The following DDX27 variants were observed in gnomAD, a reference collection of about 807,000 sequenced individuals.
DDX27 encodes probable ATP-dependent RNA helicase DDX27.
In DDX27, 42 loss-of-function variants were observed where a neutral mutation model predicts 99.3. The ratio of observed to expected loss-of-function variants is 0.42; its 90% CI spans 0.33 to 0.55. The LOEUF is 0.55. DDX27 is among the 20% of genes least tolerant of loss of function. DDX27 has a pLI of 0.07. For missense variants in DDX27, 798 were observed against 976.8 expected (o/e 0.82, Z 2.44); for synonymous variants, 329 against 353.8 (o/e 0.93, Z 0.79).
Position 49,228,854 on chromosome 20 carries a change from C to A in DDX27, c.846C>A (p.Ala282=). Reference sequence around the variant, plus strand: ...TGCACTCTGTCACCAGACAGCTGGCCCAGTTCTGCAACATCACCACCTGCC... The same window carrying A: ...TGCACTCTGTCACCAGACAGCTGGCACAGTTCTGCAACATCACCACCTGCC... ...IQVHSVTRQL[A]QFCNITTCLA... Residue 282 remains alanine (A), a synonymous_variant, in exon 8 of 21, where the codon GCC becomes GCA. Coordinates refer to ENST00000618172, the MANE Select transcript of DDX27 (RefSeq NM_017895.8). 6.2e-7 allele frequency: 1 copy of A among 1,607,302 alleles called. No individual in the cohort carries two copies. Among genetic ancestry groups the A allele is most frequent in the Middle Eastern group, 1.7e-4 (1 of 5,780 alleles).
Position 49,221,557 on chromosome 20 carries a change from A to G in DDX27, c.199A>G (p.Ser67Gly). 6.2e-7 allele frequency: 1 copy of G among 1,612,678 alleles called. No homozygotes were observed. The highest frequency in any genetic ancestry group is 8.5e-7 in the Non-Finnish European group (1 of 1,179,296). Reference protein sequence around the residue: ...FTEKEGTYDGSWALADVMSQL... With the variant: ...FTEKEGTYDGGWALADVMSQL... ...TGAGAAGGAGGGGACGTACGATGGC[A>G]GCTGGGCCCTGGCTGATGTCATGAG... The change falls in exon 2 of 21, where the codon AGC (serine) becomes GGC (glycine). Residue 67 changes from serine (S) to glycine (G), a missense_variant. Transcript: ENST00000618172.
In DDX27 at chr20:49,235,065, G is replaced by C; in HGVS notation, c.1404G>C (p.Gln468His). ...GTGAGCTCCATGGCAACTTGTCACA[G>C]ACGCAGCGGCTGGAGGCCCTCCGGT... Reference protein sequence around the residue: ...QVGELHGNLSQTQRLEALRRF... With the variant: ...QVGELHGNLSHTQRLEALRRF... Residue 468 changes from glutamine (Q) to histidine (H), a missense_variant, in exon 12 of 21, where the codon CAG becomes CAC. By Grantham distance (24) the Gln-to-His change is conservative. This residue lies in a region of DDX27 where 553 missense variants were observed against 727.9 expected (regional missense o/e 0.76). Transcript: ENST00000618172. 6.2e-7 allele frequency: 1 copy of C among 1,610,368 alleles called. No individual in the cohort carries two copies. Among genetic ancestry groups the C allele is most frequent in the Non-Finnish European group, 8.5e-7 (1 of 1,177,972 alleles).
intron 6 of DDX27, among the ~76,000 whole-genome samples, chr20:49,225,958 G>A (rs745483032): frequency 7.2e-5 from 11 of 152,134 alleles, no homozygotes; most frequent in Non-Finnish European, 1.6e-4. Context: ...CCTCAAATAG[G>A]TTAGGCCTCC....
At chr20:49,221,783 A>C (rs947196640) in intron 2 of DDX27, among the ~76,000 whole-genome samples, 185 bp downstream of exon 2, 4 of 151,310 alleles carry the variant, frequency 2.6e-5, no homozygotes, top group African/African-American at 9.7e-5. Context: ...TGAGATGGGC[A>C]CAGGGATCAC....
intron 12 of DDX27, 157 bp downstream of exon 12, chr20:49,235,245 T>C: frequency 1.3e-6 from 1 of 767,414 alleles, no homozygotes; most frequent in South Asian, 2.3e-5. Flanking sequence ...TGTGAGGTCA[T>C]GTCTTAGATG....
At chr20:49,242,259 G>A in intron 18 of DDX27, 53 bp downstream of exon 18, 1 of 1,599,012 alleles carries the variant, frequency 6.3e-7, no homozygotes, top group South Asian at 1.1e-5. Context: ...CCTGAAACCT[G>A]TGCTTTGGGT....
chr20:49,239,274 G>A lies in DDX27; in HGVS notation c.1833G>A (p.Glu611=). ...AGCGGCTCCTGGAGAAGGGGAAGGA[G>A]GCAGTGGTCCAAGAGCCCGAGAGGA... is the stretch of plus-strand genomic sequence containing the variant. The part of the protein sequence containing the change: ...TAKRLLEKGK[E]AVVQEPERSW... The change falls in exon 16 of 21, where the codon GAG becomes GAA. Residue 611 remains glutamate (E), a synonymous_variant. Coordinates refer to ENST00000618172, the MANE Select transcript of DDX27 (RefSeq NM_017895.8). 6.2e-7 allele frequency: 1 copy of A among 1,614,130 alleles called. No individual in the cohort carries two copies. Among genetic ancestry groups the A allele is most frequent in the Non-Finnish European group, 8.5e-7 (1 of 1,180,030 alleles).
intron 19 of DDX27, among the ~76,000 whole-genome samples, 196 bp from the exon 20 acceptor site, chr20:49,243,433 C>T (rs957169087): frequency 6.6e-6 from 1 of 152,164 alleles, no homozygotes; most frequent in Admixed American, 6.5e-5. Context: ...CTCTTCCAAC[C>T]TTGTTTTAAA....
At chr20:49,233,004 G>A (rs1980175424) in intron 9 of DDX27, among the ~76,000 whole-genome samples, 1 of 151,828 alleles carries the variant, frequency 6.6e-6, no homozygotes, top group Admixed American at 6.6e-5. Flanking sequence ...AGATATTCAC[G>A]CACTTGAAAG....
At position 49,243,843 on chromosome 20, in the gene DDX27, G is replaced by T; in HGVS notation, c.*9G>T. ...ACAAGAGGAGGAAGTAGCTGTCGTG[G>T]CCTGAAGAAATTCATGGGGGCAGCC... On this transcript the variant is annotated 3_prime_UTR_variant, in exon 21 of 21. Coordinates refer to ENST00000618172, the MANE Select transcript of DDX27 (RefSeq NM_017895.8). The T allele has an allele frequency of 1.2e-6, 2 of 1,614,062 alleles. No individual in the cohort carries two copies. Among genetic ancestry groups the T allele is most frequent in the Non-Finnish European group, 1.7e-6 (2 of 1,180,006 alleles).
chr20:49,226,401 C>T (rs754525857), intron 6 of DDX27, 29 bp from the exon 7 acceptor site: 6 of 1,593,042 alleles, frequency 3.8e-6, no homozygotes, highest in South Asian at 3.3e-5. Context: ...CCCGCTCAAC[C>T]CTGTCTGACC....
chr20:49,226,592 C>G (rs1979896961), intron 7 of DDX27, 57 bp downstream of exon 7: 2 of 1,239,234 alleles, frequency 1.6e-6, no homozygotes, highest in Non-Finnish European at 2.3e-6. Context: ...GGGCTGGGCT[C>G]TAGGTTGACT....
chr20:49,227,681 A>G (rs539975124), intron 7 of DDX27, among the ~76,000 whole-genome samples: 4 of 151,166 alleles, frequency 2.6e-5, no homozygotes, highest in Admixed American at 1.3e-4. Context: ...CTGAAGGATT[A>G]ATTTTGTAAG....
intron 6 of DDX27, 84 bp from the exon 7 acceptor site, chr20:49,226,346 C>T: frequency 1.0e-6 from 1 of 973,770 alleles, no homozygotes. Flanking sequence ...GTGTGGTCCC[C>T]ACTTGTCTGG....
chr20:49,242,233 C>G (rs756293977), intron 18 of DDX27, 27 bp downstream of exon 18: 11 of 1,612,476 alleles, frequency 6.8e-6, no homozygotes, highest in African/African-American at 4.0e-5. Context: ...CCCAAAGGAG[C>G]TTGTACAAGG....
Position 49,224,946 on chromosome 20 carries a change from T to C in DDX27, c.468T>C (p.Asp156=), listed in dbSNP as rs771733130. Residue 156 remains aspartate (D), a splice_region_variant and synonymous_variant, in exon 5 of 21, where the codon GAT becomes GAC. Transcript: ENST00000618172. ...CATCAGCTAAGTTTTTCTCCATAGA[T>C]ACACTCAAAGTAAAGGATCGGAAGA... ...SADENILTKA[D]TLKVKDRKKK... 6.2e-6 allele frequency: 10 copies of C among 1,614,124 alleles called. No individual in the cohort carries two copies. In the Admixed American group the frequency reaches 1.7e-4, roughly 27 times the overall value.
In DDX27 at chr20:49,230,311, G is replaced by A. The variant is rs1177868228; in HGVS notation, c.993G>A (p.Leu331=). The change falls in exon 9 of 21, where the codon CTG becomes CTA. Residue 331 remains leucine (L), a synonymous_variant. Coordinates refer to ENST00000618172, the MANE Select transcript of DDX27 (RefSeq NM_017895.8). ...DHLHNCPSFH[L]SSIEVLILDE... Reference sequence around the variant, plus strand: ...TCCACAACTGCCCTTCCTTCCACCTGAGCAGCATCGAGGTGCTCATCCTGG... The same window carrying A: ...TCCACAACTGCCCTTCCTTCCACCTAAGCAGCATCGAGGTGCTCATCCTGG... 6.2e-7 allele frequency: 1 copy of A among 1,611,282 alleles called. No homozygotes were observed. The highest frequency in any genetic ancestry group is 8.5e-7 in the Non-Finnish European group (1 of 1,179,986).
chr20:49,234,004 G>A (rs996430526), intron 11 of DDX27: 31 of 329,452 alleles, frequency 9.4e-5, no homozygotes, highest in Non-Finnish European at 1.4e-4. Flanking sequence ...GGATCGTTGC[G>A]CAGCCTCTTG....
intron 19 of DDX27, among the ~76,000 whole-genome samples, chr20:49,243,372 G>A (rs2146722828): frequency 6.6e-6 from 1 of 152,324 alleles, no homozygotes; most frequent in East Asian, 1.9e-4. Flanking sequence ...CCCAAGGTTG[G>A]GGCAGGGGCA....
Sources: gnomAD v4.1 joint callset for allele counts (sites outside exome capture counted in the v4.1 genomes callset) on GRCh38, gnomAD v4.1.1 for gene constraint, gnomAD v4.1.1 regional missense constraint, MANE v1.5 for transcripts, NCBI Gene and HGNC (gene_info 2026-07-23, HGNC 2026-07-21) for gene names.